MMP26: variants seen among roughly 807,000 people sequenced by gnomAD.
MMP26 encodes matrix metalloproteinase-26.
In MMP26, 33 loss-of-function variants were observed where a neutral mutation model predicts 31.0. That is an observed-to-expected ratio of 1.06 (90% CI 0.81 to 1.42). The LOEUF (loss-of-function observed/expected upper bound fraction) is 1.42, where lower values mean the gene tolerates loss of function less well. Ranked by LOEUF, MMP26 falls within the 40% of genes most tolerant of loss-of-function variation. MMP26 has a pLI of 0.00. For synonymous variants in MMP26, 122 were observed against 114.9 expected (o/e 1.06, Z -0.40); for missense variants, 347 against 316.1 (o/e 1.10, Z -0.74).
chr11:4,706,716 C>T (rs1847785668), intron 1 of MMP26, among the ~76,000 whole-genome samples: 1 of 151,788 alleles, frequency 6.6e-6, no homozygotes, highest in Non-Finnish European at 1.5e-5. Context: ...ATCTCTGGAA[C>T]TAATTCTTCT....
chr11:4,742,809 T>C (rs1398207784), intron 1 of MMP26, among the ~76,000 whole-genome samples: 1 of 152,214 alleles, frequency 6.6e-6, no homozygotes, highest in African/African-American at 2.4e-5. Flanking sequence ...AGTTGAAACC[T>C]ACCATTGATA....
At chr11:4,856,090 A>C (rs182001525) in intron 2 of MMP26, among the ~76,000 whole-genome samples, 6 of 152,224 alleles carry the variant, frequency 3.9e-5, no homozygotes, top group Admixed American at 1.3e-4. Flanking sequence ...CATGGAAAGG[A>C]CAACCAGTAG....
At chr11:4,890,380 G>T in intron 2 of MMP26, 2 of 174,816 alleles carry the variant, frequency 1.1e-5, no homozygotes, top group South Asian at 1.4e-4. Flanking sequence ...GACAGGCCCA[G>T]ATCAGAGACA....
chr11:4,988,025 T>G (rs1846931290), intron 2 of MMP26, 43 bp from the exon 3 acceptor site: 4 of 630,090 alleles, frequency 6.3e-6, no homozygotes, highest in Middle Eastern at 8.4e-4. Flanking sequence ...ATTCCATGGC[T>G]GCTTTTGTCA....
chr11:4,948,949 A>G lies in MMP26; in HGVS notation c.-144-39119A>G, dbSNP rs932658571. On this transcript the variant is annotated intron_variant, in intron 2 of 7. Transcript: ENST00000380390. ...TCCAGGTACTTCTTATTAAAGAGATAGCAGAAAGTTTGTGTATGTTTGTGT... is the reference window on the plus strand; with the variant it reads ...TCCAGGTACTTCTTATTAAAGAGATGGCAGAAAGTTTGTGTATGTTTGTGT... Among the ~76,000 whole-genome samples the G allele has an allele frequency of 2.4e-5, 3 of 124,380 alleles. 1 individual carries two copies. Among genetic ancestry groups the G allele is most frequent in the African/African-American group, 8.2e-5 (3 of 36,786 alleles). 81.6% of individuals were successfully genotyped at this position (124,380 alleles called of 152,430 possible). A position where few individuals can be genotyped will look rare whatever the true frequency, so the allele number is the denominator to read the frequency against.
At chr11:4,931,811 G>T (rs1199548651) in intron 2 of MMP26, among the ~76,000 whole-genome samples, 1 of 151,978 alleles carries the variant, frequency 6.6e-6, no homozygotes, top group South Asian at 2.1e-4. Context: ...GAATGCAATA[G>T]GTTGGTAGCA....
At chr11:4,924,662 C>T (rs945381938) in intron 2 of MMP26, among the ~76,000 whole-genome samples, 5 of 152,076 alleles carry the variant, frequency 3.3e-5, no homozygotes, top group African/African-American at 4.8e-5. Flanking sequence ...AGATATGATA[C>T]GAGATGTATG....
intron 2 of MMP26, among the ~76,000 whole-genome samples, chr11:4,968,960 C>T (rs1846631164): frequency 1.3e-5 from 2 of 151,948 alleles, no homozygotes; most frequent in South Asian, 4.1e-4. Flanking sequence ...TTTCATACTT[C>T]ATACTTTTTC....
chr11:4,864,352 C>A (rs1479334804), intron 2 of MMP26, among the ~76,000 whole-genome samples: 1 of 152,246 alleles, frequency 6.6e-6, no homozygotes, highest in Non-Finnish European at 1.5e-5. Context: ...GTGGTCAGGC[C>A]TTAAACTGTT....
intron 2 of MMP26, among the ~76,000 whole-genome samples, chr11:4,868,792 G>A (rs1380017520): frequency 6.6e-6 from 1 of 152,138 alleles, no homozygotes; most frequent in African/African-American, 2.4e-5. Flanking sequence ...AAAGCTGGAG[G>A]CATCACGCTA....
chr11:4,819,786 C>T (rs913363647), intron 2 of MMP26, among the ~76,000 whole-genome samples: 2 of 151,940 alleles, frequency 1.3e-5, no homozygotes, highest in Middle Eastern at 3.4e-3. Context: ...CCCTATGTTA[C>T]CCATGCTGGT....
intron 2 of MMP26, chr11:4,907,811 T>G: frequency 6.2e-7 from 1 of 1,614,004 alleles, no homozygotes; most frequent in Non-Finnish European, 8.5e-7. Context: ...GGGACTTATT[T>G]TAGCCATTAG....
intron 2 of MMP26, among the ~76,000 whole-genome samples, chr11:4,880,653 A>G (rs1005460973): frequency 1.3e-5 from 2 of 152,136 alleles, no homozygotes; most frequent in Admixed American, 1.3e-4. Flanking sequence ...AACTTTCAAG[A>G]ATCTCAAACT....
chr11:4,923,369 C>G (rs1400729457), intron 2 of MMP26: 1 of 1,527,962 alleles, frequency 6.5e-7, no homozygotes, highest in Non-Finnish European at 8.8e-7. Flanking sequence ...TCTCTTTACT[C>G]TAACTTAATC....
intron 2 of MMP26, among the ~76,000 whole-genome samples, chr11:4,900,608 T>C (rs1057167676): frequency 6.6e-6 from 1 of 152,190 alleles, no homozygotes; most frequent in African/African-American, 2.4e-5. Context: ...TGATATAAAT[T>C]GTCAGGTCCA....
intron 2 of MMP26, chr11:4,803,774 G>A (rs868317496): frequency 6.2e-7 from 1 of 1,613,280 alleles, no homozygotes; most frequent in Non-Finnish European, 8.5e-7. Flanking sequence ...GCCACAAAGA[G>A]CCCATTCCCA....
At chr11:4,959,910 T>C (rs1438794870) in intron 2 of MMP26, among the ~76,000 whole-genome samples, 4 of 152,174 alleles carry the variant, frequency 2.6e-5, no homozygotes, top group Non-Finnish European at 5.9e-5. Flanking sequence ...CTATATCTTT[T>C]TTCTCACCTT....
chr11:4,727,603 A>G (rs921337332), intron 1 of MMP26, among the ~76,000 whole-genome samples: 6 of 152,154 alleles, frequency 3.9e-5, no homozygotes, highest in Non-Finnish European at 5.9e-5. Flanking sequence ...TGAGGTCAGG[A>G]GTTCGAGACC....
chr11:4,813,382 C>CTATTTATT (rs202034651), intron 2 of MMP26, among the ~76,000 whole-genome samples: 28 of 151,590 alleles, frequency 1.8e-4, no homozygotes, highest in African/African-American at 6.8e-4. Context: ...TCCTTTCTTT[C>CTATTTATT]TATTTATTTA....
Sources: gnomAD v4.1 joint callset for allele counts (sites outside exome capture counted in the v4.1 genomes callset) on GRCh38, gnomAD v4.1.1 for gene constraint, MANE v1.5 for transcripts, NCBI Gene and HGNC (gene_info 2026-07-23, HGNC 2026-07-21) for gene names.